The following FSTL4 variants were observed in gnomAD, a reference collection of about 807,000 sequenced individuals.
FSTL4 encodes the protein follistatin like 4.
Under a neutral mutation model 78.2 loss-of-function variants are expected in FSTL4, and 28 were observed. That is an observed-to-expected ratio of 0.36 (90% CI 0.27 to 0.49). FSTL4 has a LOEUF of 0.49. FSTL4 is among the 20% of genes least tolerant of loss of function. The probability of loss-of-function intolerance (pLI) is 0.98; values close to 1 mark genes in which losing one functional copy is unlikely to be tolerated. For synonymous variants in FSTL4, 422 were observed against 440.5 expected (o/e 0.96, Z 0.53); for missense variants, 922 against 1,084.9 (o/e 0.85, Z 2.11).
At chr5:133,778,760 C>T in the FSTL4 span, among the ~76,000 whole-genome samples, 1 of 152,212 alleles carries the variant, frequency 6.6e-6, no homozygotes, top group Non-Finnish European at 1.5e-5. Context: ...ACTCGCAGCG[C>T]TGACTCTCTT....
chr5:133,669,144 C>A, the FSTL4 span, among the ~76,000 whole-genome samples: 1 of 152,232 alleles, frequency 6.6e-6, no homozygotes, highest in African/African-American at 2.4e-5. Context: ...AAAATCACTT[C>A]TTCAACAGCC....
intron 3 of FSTL4, among the ~76,000 whole-genome samples, chr5:133,481,231 A>G (rs1758020655): frequency 6.6e-6 from 1 of 152,128 alleles, no homozygotes; most frequent in African/African-American, 2.4e-5. Context: ...TATTTCTGAG[A>G]CTGATCATTC....
At chr5:133,292,095 G>A (rs944867324) in intron 6 of FSTL4, among the ~76,000 whole-genome samples, 23 of 152,158 alleles carry the variant, frequency 1.5e-4, no homozygotes, top group Non-Finnish European at 2.6e-4. Flanking sequence ...CAGAGAGAGG[G>A]GAGTGGCAGA....
At chr5:133,710,668 TG>T in the FSTL4 span, among the ~76,000 whole-genome samples, 49 of 152,352 alleles carry the variant, frequency 3.2e-4, no homozygotes, top group African/African-American at 1.1e-3. Flanking sequence ...CCCCTAGAGC[TG>T]GTTAAAAAGC....
intron 3 of FSTL4, among the ~76,000 whole-genome samples, chr5:133,448,027 T>C (rs1472598490): frequency 2.0e-5 from 3 of 152,226 alleles, no homozygotes; most frequent in African/African-American, 7.2e-5. Flanking sequence ...TTTGCATGTG[T>C]GAGTACACCA....
chr5:133,270,326 GA>G (rs1248547284), intron 6 of FSTL4, among the ~76,000 whole-genome samples: 1 of 152,070 alleles, frequency 6.6e-6, no homozygotes, highest in African/African-American at 2.4e-5. Flanking sequence ...AAGCCAATAA[GA>G]AAAAAATAAA....
chr5:133,840,642 G>T, the FSTL4 span, among the ~76,000 whole-genome samples: 4 of 152,206 alleles, frequency 2.6e-5, no homozygotes, highest in Non-Finnish European at 5.9e-5. Context: ...CAGCAGCAAA[G>T]TCAACCTTTA....
intron 2 of FSTL4, among the ~76,000 whole-genome samples, chr5:133,602,081 A>C (rs1479927541): frequency 6.6e-6 from 1 of 152,092 alleles, no homozygotes; most frequent in Non-Finnish European, 1.5e-5. Flanking sequence ...TGATAGAAAC[A>C]GTTTCAATGA....
chr5:133,807,120 C>T, the FSTL4 span, among the ~76,000 whole-genome samples: 1 of 152,238 alleles, frequency 6.6e-6, no homozygotes, highest in Admixed American at 6.5e-5. Context: ...GTTAAACAGC[C>T]TCTTCACATT....
intron 3 of FSTL4, among the ~76,000 whole-genome samples, chr5:133,530,670 T>C (rs1759232308): frequency 6.6e-6 from 1 of 152,226 alleles, no homozygotes; most frequent in African/African-American, 2.4e-5. Flanking sequence ...GAAATTGCTG[T>C]GTGGCTGTGC....
intron 4 of FSTL4, among the ~76,000 whole-genome samples, chr5:133,356,492 C>A (rs1283588100): frequency 6.6e-6 from 1 of 152,192 alleles, no homozygotes; most frequent in African/African-American, 2.4e-5. Context: ...GGTCCAGCCA[C>A]CTCCCCTGGG....
the FSTL4 span, among the ~76,000 whole-genome samples, chr5:133,626,294 C>A: frequency 3.7e-5 from 1 of 27,012 alleles, no homozygotes. Context: ...TATATATATT[C>A]CATATATATA....
intron 6 of FSTL4, among the ~76,000 whole-genome samples, chr5:133,305,814 C>A (rs1375754143): frequency 6.6e-6 from 1 of 152,250 alleles, no homozygotes; most frequent in Non-Finnish European, 1.5e-5. Flanking sequence ...GCTCTCCCTG[C>A]CCTGGTCAGG....
At chr5:133,687,667 C>T in the FSTL4 span, among the ~76,000 whole-genome samples, 20 of 152,336 alleles carry the variant, frequency 1.3e-4, no homozygotes, top group Middle Eastern at 3.4e-3. Flanking sequence ...TGTTTAGGCA[C>T]GTTCCTTATT....
chr5:133,358,086 G>C (rs2126932076), intron 4 of FSTL4, among the ~76,000 whole-genome samples: 1 of 152,298 alleles, frequency 6.6e-6, no homozygotes, highest in East Asian at 1.9e-4. Flanking sequence ...TCTGCTGTAG[G>C]ATGCCACCTG....
the FSTL4 span, among the ~76,000 whole-genome samples, chr5:133,659,852 C>T: frequency 4.0e-5 from 6 of 151,824 alleles, no homozygotes; most frequent in Non-Finnish European, 8.8e-5. Flanking sequence ...TATTTTTCCT[C>T]TAGAAAAATA....
At chr5:133,583,153 C>G in intron 2 of FSTL4, 1 of 419,734 alleles carries the variant, frequency 2.4e-6, no homozygotes, top group Non-Finnish European at 4.8e-6. Context: ...GTGGAAGAGT[C>G]AGCAAACACC....
At chr5:133,805,740 C>A in the FSTL4 span, among the ~76,000 whole-genome samples, 3 of 152,180 alleles carry the variant, frequency 2.0e-5, no homozygotes, top group African/African-American at 4.8e-5. Context: ...TCCCAACATG[C>A]CTGAGACTTC....
the FSTL4 span, among the ~76,000 whole-genome samples, chr5:133,821,699 G>A: frequency 6.6e-6 from 1 of 152,174 alleles, no homozygotes; most frequent in Non-Finnish European, 1.5e-5. Flanking sequence ...GGATCCAACA[G>A]GGCCCAGAAG....
Sources: allele counts gnomAD v4.1 joint callset (sites outside exome capture counted in the v4.1 genomes callset), GRCh38; gene constraint gnomAD v4.1.1; transcripts MANE v1.5; gene names NCBI Gene and HGNC (gene_info 2026-07-23, HGNC 2026-07-21).